Variants in KLF12 observed in about 807,000 individuals in gnomAD.
KLF12 encodes the protein Krueppel-like factor 12.
KLF12 carries 9 observed loss-of-function variants against 37.8 expected under a neutral mutation model. The observed-to-expected ratio is 0.24, with a 90% CI of 0.14 to 0.42. The LOEUF is 0.42. Ranked by LOEUF, KLF12 falls within the 10% of genes least tolerant of loss-of-function variation. The pLI is 1.00. For synonymous variants in KLF12, 208 were observed against 202.1 expected (o/e 1.03, Z -0.25); for missense variants, 411 against 516.0 (o/e 0.80, Z 1.97).
At chr13:73,814,046 A>G (rs552342587) in intron 4 of KLF12, among the ~76,000 whole-genome samples, 1 of 152,380 alleles carries the variant, frequency 6.6e-6, no homozygotes, top group African/African-American at 2.4e-5. Flanking sequence ...TACTGTCAAC[A>G]TATGTTAACA....
intron 4 of KLF12, among the ~76,000 whole-genome samples, chr13:73,819,091 T>C (rs1247299503): frequency 6.6e-6 from 1 of 152,208 alleles, no homozygotes; most frequent in African/African-American, 2.4e-5. Flanking sequence ...GCAGAAATTG[T>C]TCCAGAAAAG....
chr13:73,999,118 G>A (rs1330424385), intron 1 of KLF12, among the ~76,000 whole-genome samples: 3 of 152,192 alleles, frequency 2.0e-5, no homozygotes, highest in African/African-American at 4.8e-5. Context: ...CTCACAATAG[G>A]AGAGAATAGT....
intron 1 of KLF12, among the ~76,000 whole-genome samples, chr13:74,081,373 G>C (rs1345467189): frequency 2.0e-5 from 3 of 151,962 alleles, no homozygotes; most frequent in South Asian, 2.1e-4. Context: ...CTTTCATCTC[G>C]TCTTTTATAA....
Position 73,846,295 on chromosome 13 carries a change from C to T in KLF12, c.202G>A (p.Asp68Asn). ...TGGAAGTGATCTACAGATAACGAGT[C>T]CTCCGGGGGCTCCCCTTTCACATTA... The change falls in exon 4 of 8, where the codon GAC becomes AAC. Residue 68 changes from aspartate (D) to asparagine (N), a missense_variant. Coordinates refer to ENST00000377669, the MANE Select transcript of KLF12 (RefSeq NM_007249.5). 6.2e-7 allele frequency: 1 copy of T among 1,614,034 alleles called. No homozygotes were observed. The highest frequency in any genetic ancestry group is 8.5e-7 in the Non-Finnish European group (1 of 1,179,994).
chr13:73,865,287 G>A (rs556271871), intron 3 of KLF12, among the ~76,000 whole-genome samples: 2 of 152,206 alleles, frequency 1.3e-5, no homozygotes, highest in Admixed American at 1.3e-4. Flanking sequence ...GACCCAAAGT[G>A]ATGACATGCA....
intron 3 of KLF12, among the ~76,000 whole-genome samples, chr13:73,856,670 C>G (rs1344546634): frequency 1.3e-5 from 2 of 152,076 alleles, no homozygotes; most frequent in South Asian, 2.1e-4. Flanking sequence ...GGAAGTGGCA[C>G]CCTCAAGCAA....
chr13:73,711,765 A>T (rs1875415611), intron 7 of KLF12, among the ~76,000 whole-genome samples: 1 of 152,158 alleles, frequency 6.6e-6, no homozygotes, highest in South Asian at 2.1e-4. Flanking sequence ...AGTCATTTTG[A>T]CTTTTAAGTC....
the KLF12 span, among the ~76,000 whole-genome samples, chr13:74,168,867 C>G: frequency 0.7 from 107,203 of 152,132 alleles, 38,144 homozygotes; most frequent in East Asian, 0.88. Flanking sequence ...AGAAGAAAAG[C>G]TTTTGTGCAC....
intron 1 of KLF12, among the ~76,000 whole-genome samples, chr13:74,084,809 C>A (rs1474497672): frequency 7.5e-6 from 1 of 132,874 alleles, no homozygotes; most frequent in Non-Finnish European, 1.6e-5. Context: ...TCTGAGCCAG[C>A]AACACAAAGG....
intron 1 of KLF12, among the ~76,000 whole-genome samples, chr13:74,059,733 G>A (rs900678674): frequency 8.5e-5 from 13 of 152,166 alleles, no homozygotes; most frequent in African/African-American, 2.6e-4. Context: ...TAGATTGCCT[G>A]TTTATTTTGT....
At chr13:73,813,370 C>T (rs1163189762) in intron 4 of KLF12, 83 bp from the exon 5 acceptor site, 18 of 1,444,130 alleles carry the variant, frequency 1.2e-5, no homozygotes, top group Non-Finnish European at 1.5e-5. Context: ...AAGTATGGAA[C>T]TTCTGTGCAT....
At chr13:74,173,717 TA>T in the KLF12 span, among the ~76,000 whole-genome samples, 1 of 152,246 alleles carries the variant, frequency 6.6e-6, no homozygotes, top group Admixed American at 6.5e-5. Flanking sequence ...TTGAGACATT[TA>T]AAGATTTGGT....
At chr13:73,991,339 G>T (rs1321001868) in intron 2 of KLF12, among the ~76,000 whole-genome samples, 1 of 152,150 alleles carries the variant, frequency 6.6e-6, no homozygotes, top group African/African-American at 2.4e-5. Flanking sequence ...CAAGTCTTAC[G>T]GATAGTAGCC....
chr13:74,090,697 T>G (rs1405542951), intron 1 of KLF12, among the ~76,000 whole-genome samples: 2 of 152,084 alleles, frequency 1.3e-5, no homozygotes, highest in Non-Finnish European at 1.5e-5. Context: ...TGATTGGGCT[T>G]TTCTGCTACT....
chr13:73,876,138 A>G (rs993219701), intron 3 of KLF12, among the ~76,000 whole-genome samples: 12 of 148,182 alleles, frequency 8.1e-5, no homozygotes, highest in African/African-American at 2.7e-4. Flanking sequence ...GCTGGGTGCT[A>G]TACTCAGCTA....
chr13:74,255,292 T>G, the KLF12 span, among the ~76,000 whole-genome samples: 1 of 152,126 alleles, frequency 6.6e-6, no homozygotes, highest in Non-Finnish European at 1.5e-5. Context: ...AAGGAGGGTG[T>G]TGGGTACAAA....
intron 1 of KLF12, among the ~76,000 whole-genome samples, chr13:74,127,934 A>T (rs938221646): frequency 2.4e-4 from 37 of 152,306 alleles, no homozygotes; most frequent in African/African-American, 7.9e-4. Context: ...TATATCACAA[A>T]TTTAATAATT....
chr13:74,163,298 A>G, the KLF12 span, among the ~76,000 whole-genome samples: 2 of 152,214 alleles, frequency 1.3e-5, no homozygotes, highest in African/African-American at 4.8e-5. Flanking sequence ...TTGTTGCAGT[A>G]ATGTTTACAA....
the KLF12 span, among the ~76,000 whole-genome samples, chr13:74,224,360 C>T: frequency 6.6e-6 from 1 of 152,178 alleles, no homozygotes; most frequent in Non-Finnish European, 1.5e-5. Flanking sequence ...GGATTTCTTA[C>T]ACCCAGGCTG....
Sources: gnomAD v4.1 joint callset for allele counts (sites outside exome capture counted in the v4.1 genomes callset) on GRCh38, gnomAD v4.1.1 for gene constraint, MANE v1.5 for transcripts, NCBI Gene and HGNC (gene_info 2026-07-23, HGNC 2026-07-21) for gene names.